The following GRB10 variants were observed in gnomAD, a reference collection of about 807,000 sequenced individuals.
The protein encoded by GRB10 is growth factor receptor bound protein 10.
GRB10 carries 20 observed loss-of-function variants against 80.9 expected under a neutral mutation model. That is an observed-to-expected ratio of 0.25 (90% CI 0.17 to 0.36). GRB10 has a LOEUF of 0.36. Ranked by LOEUF, GRB10 falls within the 10% of genes least tolerant of loss-of-function variation. The probability of loss-of-function intolerance (pLI) is 1.00; values close to 1 mark genes in which losing one functional copy is unlikely to be tolerated. For synonymous variants in GRB10, 291 were observed against 291.5 expected, an observed-to-expected ratio of 1.00 and a Z score of 0.02; for missense variants, 548 against 747.7, an observed-to-expected ratio of 0.73 and a Z score of 3.12.
At position 50,782,133 on chromosome 7, in the gene GRB10, C is replaced by T. The variant is rs2078349509; in HGVS notation, c.-327+291G>A. On this transcript the variant is annotated intron_variant, in intron 1 of 18. Coordinates refer to ENST00000401949, the MANE Select transcript of GRB10 (RefSeq NM_001350814.2). This position sits in a 1 kb window ranked among gnomAD's most constrained non-coding sequence, Gnocchi z 6.6. ...CGCTCGAATCGTCGTCACGGGTTTC[C>T]GTGGGTACAGTTATTACTCGTTACA... Among the ~76,000 whole-genome samples the T allele has an allele frequency of 6.6e-6, 1 of 152,196 alleles. No homozygotes were observed. Among genetic ancestry groups the T allele is most frequent in the African/African-American group, 2.4e-5 (1 of 41,450 alleles).
chr7:50,660,009 C>T (rs2059078111), intron 7 of GRB10, among the ~76,000 whole-genome samples: 1 of 152,188 alleles, frequency 6.6e-6, no homozygotes, highest in African/African-American at 2.4e-5. Context: ...TGTCAATGAC[C>T]TTGGAAGATG....
chr7:50,750,993 A>G (rs2074020877), intron 3 of GRB10, among the ~76,000 whole-genome samples: 1 of 152,194 alleles, frequency 6.6e-6, no homozygotes, highest in African/African-American at 2.4e-5. Context: ...GAGGGTCCAC[A>G]GTGGCTTGCT....
rs574698563 is a variant in GRB10, at chr7:50,674,544, T to C, written c.254A>G (p.His85Arg). The change falls in exon 6 of 19, where the codon CAT becomes CGT. Residue 85 changes from histidine to arginine, a missense_variant. By Grantham distance (29) the His-to-Arg change is conservative. Around this residue, in one of 4 missense-constraint regions of GRB10, gnomAD observed 245 missense variants for 229.3 expected, o/e 1.07. Coordinates refer to ENST00000401949, the MANE Select transcript of GRB10 (RefSeq NM_001350814.2). ...DTVPLLQNGQ[H>R]ARSQPRASGP... Reference sequence around the variant, plus strand: ...TGAAGCCCGAGGCTGGCTGCGGGCATGCTGGCCATTCTGCAGGAGGGGCAC... The same window carrying C: ...TGAAGCCCGAGGCTGGCTGCGGGCACGCTGGCCATTCTGCAGGAGGGGCAC... 3 of 1,611,952 alleles carry C rather than the reference T, an allele frequency of 1.9e-6. No homozygotes were observed. The South Asian group carries it at 3.3e-5, about 18-fold the overall frequency.
chr7:50,714,344 T>C (rs755376578), intron 4 of GRB10, among the ~76,000 whole-genome samples: 33 of 152,200 alleles, frequency 2.2e-4, no homozygotes, highest in Non-Finnish European at 4.6e-4. Flanking sequence ...ATGCAAGTTA[T>C]AGTCAAATTA....
intron 4 of GRB10, among the ~76,000 whole-genome samples, chr7:50,710,008 G>A (rs1469230052): frequency 6.6e-6 from 1 of 152,030 alleles, no homozygotes; most frequent in Admixed American, 6.5e-5. Context: ...TCGGCCCTGG[G>A]TGCTCACTAT....
chr7:50,748,377 C>T (rs552636610), intron 3 of GRB10, among the ~76,000 whole-genome samples: 5 of 152,200 alleles, frequency 3.3e-5, no homozygotes, highest in Non-Finnish European at 7.3e-5. Context: ...GGCACCACAA[C>T]AGCCAGGGAG....
chr7:50,771,247 A>G (rs1382001019), intron 2 of GRB10, among the ~76,000 whole-genome samples: 2 of 152,194 alleles, frequency 1.3e-5, no homozygotes, highest in Non-Finnish European at 2.9e-5. Context: ...CCTGCTCCAC[A>G]CAATCAGCAG....
At chr7:50,613,251 T>G (rs2049904050) in intron 12 of GRB10, among the ~76,000 whole-genome samples, 1 of 152,058 alleles carries the variant, frequency 6.6e-6, no homozygotes, top group Non-Finnish European at 1.5e-5. Flanking sequence ...GATCTTAAAG[T>G]TGCCCCCAGG....
intron 5 of GRB10, among the ~76,000 whole-genome samples, chr7:50,699,527 C>T (rs949744667): frequency 3.3e-5 from 5 of 151,890 alleles, no homozygotes; most frequent in African/African-American, 4.8e-5. Flanking sequence ...TATTTTTTTC[C>T]CTTTAATTCT....
chr7:50,763,061 C>T (rs1234563674), intron 2 of GRB10, among the ~76,000 whole-genome samples: 1 of 150,454 alleles, frequency 6.6e-6, no homozygotes, highest in African/African-American at 2.5e-5. Context: ...GAGCTTGCAG[C>T]GAGCCGAGAT....
chr7:50,673,921 G>A (rs1425713637), intron 6 of GRB10, among the ~76,000 whole-genome samples: 1 of 152,050 alleles, frequency 6.6e-6, no homozygotes, highest in East Asian at 1.9e-4. Context: ...CTCCCTCAAC[G>A]TCCCCAGCAC....
chr7:50,605,448 A>C, intron 14 of GRB10, 42 bp from the exon 15 acceptor site: 1 of 1,474,556 alleles, frequency 6.8e-7, no homozygotes, highest in Non-Finnish European at 9.5e-7. Flanking sequence ...CAGGGAAATA[A>C]GGCAGAGTGG....
chr7:50,656,047 T>C (rs55857758), intron 7 of GRB10, among the ~76,000 whole-genome samples: 13,289 of 152,198 alleles, frequency 0.087, 880 homozygotes, highest in Non-Finnish European at 0.11. Flanking sequence ...CCTGCCAGCC[T>C]CAGACCCCAG....
At chr7:50,690,962 A>G (rs537628305) in intron 5 of GRB10, among the ~76,000 whole-genome samples, 1 of 152,326 alleles carries the variant, frequency 6.6e-6, no homozygotes, top group South Asian at 2.1e-4. Flanking sequence ...TTCTGCTCCA[A>G]ATAAGGACCA....
chr7:50,601,565 A>C (rs944422105), intron 17 of GRB10, among the ~76,000 whole-genome samples: 1 of 152,232 alleles, frequency 6.6e-6, no homozygotes, highest in African/African-American at 2.4e-5. Flanking sequence ...CTTACTGAAT[A>C]AATATCAGCA....
At chr7:50,752,334 T>A (rs1477619118) in intron 3 of GRB10, among the ~76,000 whole-genome samples, 1 of 152,148 alleles carries the variant, frequency 6.6e-6, no homozygotes, top group African/African-American at 2.4e-5. Flanking sequence ...TGAGGCAACA[T>A]CAAGGTACTT....
chr7:50,596,672 C>A (rs2046710079), intron 17 of GRB10, among the ~76,000 whole-genome samples: 1 of 152,172 alleles, frequency 6.6e-6, no homozygotes, highest in South Asian at 2.1e-4. Context: ...TGTAATAATT[C>A]AGACTAAAGG....
At chr7:50,774,632 T>C (rs761289530) in intron 2 of GRB10, among the ~76,000 whole-genome samples, 10 of 152,136 alleles carry the variant, frequency 6.6e-5, no homozygotes, top group Non-Finnish European at 1.0e-4. Context: ...TAGAGTTGCG[T>C]TGGGGAAGTG....
chr7:50,708,249 T>A (rs2065308739), intron 4 of GRB10, among the ~76,000 whole-genome samples: 1 of 152,262 alleles, frequency 6.6e-6, no homozygotes, highest in Non-Finnish European at 1.5e-5. Flanking sequence ...GTGGCTCATT[T>A]GTTTATGAAA....
Sources: gnomAD v4.1 joint callset for allele counts (sites outside exome capture counted in the v4.1 genomes callset) on GRCh38, gnomAD v4.1.1 for gene constraint, gnomAD v4.1.1 regional missense constraint, Gnocchi (gnomAD v3.1) non-coding constraint, MANE v1.5 for transcripts, NCBI Gene and HGNC (gene_info 2026-07-23, HGNC 2026-07-21) for gene names.